The following FRMPD4 variants were observed in gnomAD, a reference collection of about 807,000 sequenced individuals.
The protein encoded by FRMPD4 is FERM and PDZ domain containing 4, also known as FERM and PDZ domain-containing protein 4.
Under a neutral mutation model 94.1 loss-of-function variants are expected in FRMPD4, and 22 were observed. That is an observed-to-expected ratio of 0.23 (90% CI 0.17 to 0.33). The LOEUF (loss-of-function observed/expected upper bound fraction) is 0.33, where lower values mean the gene tolerates loss of function less well. FRMPD4 is among the 10% of genes least tolerant of loss of function. The pLI, the probability that FRMPD4 is intolerant of heterozygous loss-of-function variation, is 1.00. For synonymous variants in FRMPD4, 631 were observed against 548.6 expected, an observed-to-expected ratio of 1.15 and a Z score of -2.10; for missense variants, 1,111 against 1,339.9, an observed-to-expected ratio of 0.83 and a Z score of 2.67.
chrX:12,195,519 A>G (rs1743349171), intron 1 of FRMPD4, among the ~76,000 whole-genome samples: 1 of 112,053 alleles, frequency 8.9e-6, no homozygotes, highest in Non-Finnish European at 1.9e-5. Flanking sequence ...ACCTGTGTAC[A>G]GTTTTTCTGC....
In FRMPD4 at chrX:12,326,939, AAGAC is replaced by A. The variant is rs1294547390; in HGVS notation, c.42-171737_42-171734del. ...ATCGCACCACTGCACTCCAGCCTGA[AAGAC>A]AGAGTAAGACCCTGCATCAAAAAAA... On this transcript the variant is annotated intron_variant, in intron 1 of 16. Coordinates refer to ENST00000675598, the MANE Select transcript of FRMPD4 (RefSeq NM_001368397.1). 2.0e-4 allele frequency among the ~76,000 whole-genome samples: 22 copies of A among 111,062 alleles called. No homozygotes were observed. The South Asian group carries it at 2.7e-3, about 13-fold the overall frequency.
intron 1 of FRMPD4, among the ~76,000 whole-genome samples, chrX:12,320,146 A>G (rs1251335732): frequency 8.9e-6 from 1 of 111,825 alleles, no homozygotes; most frequent in African/African-American, 3.3e-5. Context: ...GTCAGCACAT[A>G]TGGAGTATTT....
chrX:12,020,092 C>T (rs1034676230), intron 3 of FRMPD4, among the ~76,000 whole-genome samples: 16 of 111,667 alleles, frequency 1.4e-4, no homozygotes, highest in African/African-American at 4.6e-4. Flanking sequence ...GTTTAACCAC[C>T]GTACCCTTTA....
At chrX:12,555,778 G>A (rs147627072) in intron 2 of FRMPD4, among the ~76,000 whole-genome samples, 106 of 112,319 alleles carry the variant, frequency 9.4e-4, no homozygotes, top group African/African-American at 3.1e-3. Context: ...TCTGTGGATG[G>A]CTTGAAATTA....
chrX:12,181,685 G>A (rs1415474301), intron 1 of FRMPD4, among the ~76,000 whole-genome samples: 1 of 111,390 alleles, frequency 9.0e-6, no homozygotes, highest in Non-Finnish European at 1.9e-5. Context: ...ATGAAAATGT[G>A]AGGTCCCTTG....
intron 4 of FRMPD4, among the ~76,000 whole-genome samples, chrX:12,641,650 C>T (rs1344889711): frequency 3.6e-5 from 4 of 112,330 alleles, no homozygotes; most frequent in Admixed American, 9.4e-5. Context: ...ACCACCTATA[C>T]GTAAGTCCAG....
intron 2 of FRMPD4, among the ~76,000 whole-genome samples, chrX:12,587,645 A>AGTGTGTGT (rs56902110): frequency 9.6e-6 from 1 of 103,928 alleles, no homozygotes; most frequent in East Asian, 3.1e-4. Flanking sequence ...TTCCATTATG[A>AGTGTGTGT]GTGTGTGTGT....
At chrX:12,539,684 A>G (rs2058382575) in intron 2 of FRMPD4, among the ~76,000 whole-genome samples, 1 of 109,288 alleles carries the variant, frequency 9.2e-6, no homozygotes. Flanking sequence ...CCCAGGCTGG[A>G]GTGCAATGGC....
chrX:12,234,945 T>C (rs2057054901), intron 1 of FRMPD4, among the ~76,000 whole-genome samples: 1 of 112,027 alleles, frequency 8.9e-6, no homozygotes, highest in Non-Finnish European at 1.9e-5. Context: ...GATCTGCCCT[T>C]GTGGTATCTC....
At chrX:12,046,526 T>G (rs2054786435) in intron 3 of FRMPD4, among the ~76,000 whole-genome samples, 2 of 111,746 alleles carry the variant, frequency 1.8e-5, no homozygotes, top group Admixed American at 1.9e-4. Flanking sequence ...AGTCTGGGCT[T>G]CCAGAACATC....
intron 1 of FRMPD4, among the ~76,000 whole-genome samples, chrX:12,275,023 C>T (rs1041110961): frequency 8.9e-6 from 1 of 111,870 alleles, no homozygotes; most frequent in Non-Finnish European, 1.9e-5. Context: ...AAATAAACCA[C>T]ATGTACAGAA....
At chrX:12,084,020 G>A (rs1298417877) in intron 3 of FRMPD4, among the ~76,000 whole-genome samples, 1 of 111,009 alleles carries the variant, frequency 9.0e-6, no homozygotes, top group Admixed American at 9.6e-5. Flanking sequence ...TTAAGACTTT[G>A]GGGGACTGTT....
chrX:12,249,349 A>G (rs1200459804), intron 1 of FRMPD4, among the ~76,000 whole-genome samples: 4 of 111,674 alleles, frequency 3.6e-5, no homozygotes, highest in Admixed American at 9.5e-5. Context: ...AGCAGATTCC[A>G]TAGAGAAAAG....
intron 1 of FRMPD4, among the ~76,000 whole-genome samples, chrX:12,424,046 T>C (rs976555408): frequency 8.9e-6 from 1 of 112,051 alleles, no homozygotes; most frequent in Non-Finnish European, 1.9e-5. Context: ...CCATCTCGGG[T>C]TTTTAATTAC....
At position 12,715,015 on chromosome X, in the gene FRMPD4, T is replaced by TC. The variant is rs2042053715; in HGVS notation, c.1610-1051dup. ...TCTCTTAGGTAAAACTGCACTTTTT[T>TC]CCCATATGTCTTGCACATCTGATGT... is the stretch of plus-strand genomic sequence containing the variant. On this transcript the variant is annotated intron_variant, in intron 14 of 16. Transcript: ENST00000675598. 3.6e-5 allele frequency among the ~76,000 whole-genome samples: 4 copies of TC among 112,464 alleles called. No homozygotes were observed. The South Asian group carries it at 1.5e-3, about 42-fold the overall frequency.
At chrX:11,935,464 GTGA>G in intron 3 of FRMPD4, among the ~76,000 whole-genome samples, 1 of 9,541 alleles carries the variant, frequency 1.0e-4, no homozygotes, top group South Asian at 5.7e-3. Flanking sequence ...TCCCCAGAGT[GTGA>G]TATTCCCCTT....
intron 2 of FRMPD4, among the ~76,000 whole-genome samples, chrX:12,525,074 C>T (rs1410371132): frequency 9.0e-6 from 1 of 111,096 alleles, no homozygotes; most frequent in Non-Finnish European, 1.9e-5. Context: ...ATTGGACACC[C>T]CTGCGCTACA....
At chrX:12,195,486 C>T (rs979235267) in intron 1 of FRMPD4, among the ~76,000 whole-genome samples, 3 of 112,171 alleles carry the variant, frequency 2.7e-5, no homozygotes, top group African/African-American at 9.7e-5. Context: ...AGCACTCTTG[C>T]CCCCAACAGG....
At chrX:11,955,568 T>C (rs2054251625) in intron 3 of FRMPD4, among the ~76,000 whole-genome samples, 1 of 108,896 alleles carries the variant, frequency 9.2e-6, no homozygotes, top group Non-Finnish European at 1.9e-5. Context: ...TGAAACCCCG[T>C]CTCTACTAAA....
Sources: gnomAD v4.1 joint callset for allele counts (sites outside exome capture counted in the v4.1 genomes callset) on GRCh38, gnomAD v4.1.1 for gene constraint, MANE v1.5 for transcripts, NCBI Gene and HGNC (gene_info 2026-07-23, HGNC 2026-07-21) for gene names.